The following FSTL5 variants were observed in gnomAD, a reference collection of about 807,000 sequenced individuals.
The protein encoded by FSTL5 is follistatin-related protein 5.
In FSTL5, 62 loss-of-function variants were observed where a neutral mutation model predicts 89.1. The observed-to-expected ratio is 0.70, with a 90% CI of 0.57 to 0.86. The LOEUF (loss-of-function observed/expected upper bound fraction) is 0.86. Ranked by LOEUF, FSTL5 falls within the 40% of genes least tolerant of loss-of-function variation. The probability of loss-of-function intolerance (pLI) is 0.00; values close to 1 mark genes in which losing one functional copy is unlikely to be tolerated. For missense variants in FSTL5, 1,057 were observed against 1,001.6 expected, an observed-to-expected ratio of 1.06 and a Z score of -0.75; for synonymous variants, 383 against 346.2, an observed-to-expected ratio of 1.11 and a Z score of -1.18.
Position 161,415,663 on chromosome 4 carries a change from T to TATAG in FSTL5, c.1842-29215_1842-29214insCTAT, listed in dbSNP as rs1553984004. 4.9e-3 allele frequency among the ~76,000 whole-genome samples: 721 copies of TATAG among 148,568 alleles called. 7 individuals are homozygous for TATAG. The highest frequency in any genetic ancestry group is 0.01 in the South Asian group (46 of 4,592). On this transcript the variant is annotated intron_variant, in intron 15 of 15. Coordinates refer to ENST00000306100, the MANE Select transcript of FSTL5 (RefSeq NM_020116.5). ...GTATTATAGGGGATACATATATATA[T>TATAG]AGAGAGAGAGAGAGAGAAAGAGAGA...
intron 7 of FSTL5, 147 bp from the exon 8 acceptor site, chr4:161,587,722 G>A (rs761150445): frequency 4.3e-4 from 230 of 537,964 alleles, no homozygotes; most frequent in Non-Finnish European, 5.1e-4. Context: ...GTGTATAAGC[G>A]TAAAGGATCT....
At chr4:161,782,586 G>A (rs1343062809) in intron 4 of FSTL5, among the ~76,000 whole-genome samples, 3 of 152,048 alleles carry the variant, frequency 2.0e-5, no homozygotes, top group East Asian at 3.8e-4. Context: ...ATTGCCCTAA[G>A]CATTGTTGAA....
chr4:161,960,439 G>C (rs1014232819), intron 3 of FSTL5, among the ~76,000 whole-genome samples: 11 of 151,800 alleles, frequency 7.2e-5, no homozygotes, highest in Admixed American at 3.3e-4. Context: ...GCCTCCCAAA[G>C]TGCTGGGTGC....
intron 1 of FSTL5, among the ~76,000 whole-genome samples, chr4:162,159,405 G>T (rs1733606966): frequency 6.6e-6 from 1 of 151,986 alleles, no homozygotes; most frequent in Non-Finnish European, 1.5e-5. Flanking sequence ...CTTGTGCAAT[G>T]AACTAGTTAT....
rs1378653916 is a variant in FSTL5, at chr4:161,568,690, G to A, written c.1015+18765C>T. ...AGTTTGGCCTGGTTTAAAAATCAAG[G>A]CTAAGGCAGAGATAAGTTATTTTAT... On this transcript the variant is annotated intron_variant, in intron 8 of 15. Transcript: ENST00000306100. 2.0e-5 allele frequency among the ~76,000 whole-genome samples: 3 copies of A among 152,036 alleles called. No homozygotes were observed. In the South Asian group the frequency reaches 6.2e-4, roughly 32 times the overall value.
At chr4:161,778,518 G>T (rs1187478833) in intron 4 of FSTL5, among the ~76,000 whole-genome samples, 1 of 152,134 alleles carries the variant, frequency 6.6e-6, no homozygotes, top group Non-Finnish European at 1.5e-5. Context: ...AGACAAAATG[G>T]AAAACAATCT....
chr4:161,499,917 G>A lies in FSTL5; in HGVS notation c.1458+99C>T, dbSNP rs552719169. The A allele has an allele frequency of 1.2e-4, 82 of 687,606 alleles. No individual in the cohort carries two copies. The African/African-American group carries it at 1.3e-3, about 11-fold the overall frequency. The allele number at this position is 687,606 out of a possible 1,614,324, so 42.6% of individuals were successfully genotyped here. A position where few individuals can be genotyped will look rare whatever the true frequency, so the allele number is the denominator to read the frequency against. On this transcript the variant is annotated intron_variant, in intron 12 of 15. Coordinates refer to ENST00000306100, the MANE Select transcript of FSTL5 (RefSeq NM_020116.5). Reference sequence around the variant, plus strand: ...GGGTTTCATAATTTTCTTCCAACACGAGTCTCATATATGTATAGGTTTTGT... The same window carrying A: ...GGGTTTCATAATTTTCTTCCAACACAAGTCTCATATATGTATAGGTTTTGT...
At chr4:161,524,830 C>T (rs769582331) in intron 10 of FSTL5, among the ~76,000 whole-genome samples, 5 of 151,838 alleles carry the variant, frequency 3.3e-5, no homozygotes, top group Non-Finnish European at 4.4e-5. Flanking sequence ...TGGTGGCAGA[C>T]GCCTGTAATA....
chr4:161,769,366 A>G (rs982895846), intron 5 of FSTL5, among the ~76,000 whole-genome samples: 7 of 151,986 alleles, frequency 4.6e-5, no homozygotes, highest in African/African-American at 1.4e-4. Flanking sequence ...TTCCAAAACC[A>G]GAAAAAGGTA....
chr4:161,984,931 G>T (rs1234221683), intron 3 of FSTL5, among the ~76,000 whole-genome samples: 1 of 151,042 alleles, frequency 6.6e-6, no homozygotes, highest in East Asian at 1.9e-4. Flanking sequence ...CTTATGTCTT[G>T]CTCTCTCTCG....
chr4:161,468,368 TG>T (rs1207634596), intron 13 of FSTL5, among the ~76,000 whole-genome samples: 1 of 151,918 alleles, frequency 6.6e-6, no homozygotes, highest in East Asian at 1.9e-4. Context: ...TGGGACAGAA[TG>T]TATCAAGAGA....
At chr4:161,571,598 G>A (rs1275401949) in intron 8 of FSTL5, among the ~76,000 whole-genome samples, 1 of 152,176 alleles carries the variant, frequency 6.6e-6, no homozygotes, top group Non-Finnish European at 1.5e-5. Context: ...TACTGCGCAA[G>A]ATTGAGAACC....
At chr4:162,026,801 A>G (rs752769461) in intron 3 of FSTL5, among the ~76,000 whole-genome samples, 1 of 152,146 alleles carries the variant, frequency 6.6e-6, no homozygotes, top group Non-Finnish European at 1.5e-5. Flanking sequence ...CAACAAATTC[A>G]TTATTTATTA....
chr4:161,952,370 T>C (rs933913428), intron 3 of FSTL5, among the ~76,000 whole-genome samples: 3 of 152,026 alleles, frequency 2.0e-5, no homozygotes, highest in African/African-American at 7.2e-5. Context: ...AGGTGGAATA[T>C]GATGCAGTGG....
intron 2 of FSTL5, among the ~76,000 whole-genome samples, chr4:162,053,093 A>T (rs1324569815): frequency 6.6e-6 from 1 of 151,828 alleles, no homozygotes; most frequent in East Asian, 1.9e-4. Flanking sequence ...TAATTATTAT[A>T]GACACTTGTC....
intron 3 of FSTL5, among the ~76,000 whole-genome samples, chr4:161,994,854 T>A (rs62329590): frequency 0.054 from 8,193 of 152,302 alleles, 331 homozygotes; most frequent in Non-Finnish European, 0.076. Context: ...CTCTTGATAG[T>A]TTATTTTGCT....
intron 3 of FSTL5, among the ~76,000 whole-genome samples, chr4:161,923,095 C>T (rs577504100): frequency 5.3e-5 from 8 of 152,016 alleles, no homozygotes; most frequent in Admixed American, 5.3e-4. Flanking sequence ...TTCAAAAAGG[C>T]AAATGCTTCT....
chr4:161,675,375 G>C lies in FSTL5; in HGVS notation c.728-18881C>G, dbSNP rs141775826. Among the ~76,000 whole-genome samples the C allele has an allele frequency of 6.0e-3, 914 of 151,504 alleles. 9 individuals are homozygous for C. Among genetic ancestry groups the C allele is most frequent in the South Asian group, 0.046 (218 of 4,772 alleles). ...TCTATTTATTTTCAAAATCATAATA[G>C]AAATGAACACACATAACACAATATT... is the stretch of plus-strand genomic sequence containing the variant. On this transcript the variant is annotated intron_variant, in intron 6 of 15. Transcript: ENST00000306100.
intron 7 of FSTL5, among the ~76,000 whole-genome samples, chr4:161,652,423 G>C (rs1332551769): frequency 6.6e-6 from 1 of 151,978 alleles, no homozygotes; most frequent in African/African-American, 2.4e-5. Flanking sequence ...CAACAAACCA[G>C]ACCATCTATA....
Sources: allele counts gnomAD v4.1 joint callset (sites outside exome capture counted in the v4.1 genomes callset), GRCh38; gene constraint gnomAD v4.1.1; transcripts MANE v1.5; gene names NCBI Gene and HGNC (gene_info 2026-07-23, HGNC 2026-07-21).